The following C10orf67 variants were observed in gnomAD, a reference collection of about 807,000 sequenced individuals.
C10orf67 encodes the protein chromosome 10 open reading frame 67, also known as uncharacterized protein C10orf67, mitochondrial.
In C10orf67, 60 loss-of-function variants were observed where a neutral mutation model predicts 35.6. The ratio of observed to expected loss-of-function variants is 1.68; its 90% CI spans 1.37 to 2.09. The LOEUF (loss-of-function observed/expected upper bound fraction) is 2.09. Among genes scored for constraint, C10orf67 ranks in the 30% most tolerant of loss-of-function variants. The pLI is 0.00. For synonymous variants in C10orf67, 167 were observed against 115.8 expected (o/e 1.44, Z -2.84); for missense variants, 474 against 330.2 (o/e 1.44, Z -3.38).
chr10:23,280,815 A>G (rs569645109), intron 8 of C10orf67, among the ~76,000 whole-genome samples: 9 of 152,346 alleles, frequency 5.9e-5, no homozygotes, highest in African/African-American at 2.2e-4. Context: ...GCACAAATTC[A>G]CTGATTGAGT....
chr10:23,252,074 G>C (rs985392343), intron 10 of C10orf67, among the ~76,000 whole-genome samples: 1 of 151,982 alleles, frequency 6.6e-6, no homozygotes, highest in Admixed American at 6.6e-5. Context: ...CATTATATCT[G>C]TTTTGCTTTC....
chr10:23,314,994 C>T (rs1237974729), intron 4 of C10orf67, among the ~76,000 whole-genome samples: 1 of 152,168 alleles, frequency 6.6e-6, no homozygotes, highest in Non-Finnish European at 1.5e-5. Flanking sequence ...GTCATTTATA[C>T]TTGTCAATCT....
intron 15 of C10orf67, among the ~76,000 whole-genome samples, chr10:23,221,989 T>G (rs1236736236): frequency 6.6e-6 from 1 of 152,214 alleles, no homozygotes; most frequent in Non-Finnish European, 1.5e-5. Flanking sequence ...GTGAGCATTT[T>G]ATCTTATGCC....
intron 8 of C10orf67, among the ~76,000 whole-genome samples, chr10:23,270,630 C>T (rs1012286207): frequency 1.3e-5 from 2 of 152,206 alleles, no homozygotes; most frequent in African/African-American, 2.4e-5. Context: ...GACCCACTGG[C>T]TTGGAATTCC....
intron 15 of C10orf67, among the ~76,000 whole-genome samples, chr10:23,208,938 C>G (rs779743983): frequency 3.9e-4 from 59 of 152,140 alleles, no homozygotes; most frequent in Non-Finnish European, 7.2e-4. Context: ...GGTCTGGTTA[C>G]CCCTGTCACC....
intron 2 of C10orf67, among the ~76,000 whole-genome samples, chr10:23,324,804 T>C (rs1845117402): frequency 6.6e-6 from 1 of 152,246 alleles, no homozygotes; most frequent in African/African-American, 2.4e-5. Context: ...GACATTTGTC[T>C]AATGTGAAAC....
At chr10:23,235,589 A>G (rs1183741161) in intron 13 of C10orf67, among the ~76,000 whole-genome samples, 2 of 152,212 alleles carry the variant, frequency 1.3e-5, no homozygotes, top group Non-Finnish European at 2.9e-5. Flanking sequence ...ATTTGGTTGA[A>G]CAATTTGGAT....
At chr10:23,290,485 A>G (rs1843687998) in intron 6 of C10orf67, among the ~76,000 whole-genome samples, 1 of 152,248 alleles carries the variant, frequency 6.6e-6, no homozygotes, top group African/African-American at 2.4e-5. Context: ...TGTAATTAAC[A>G]TAATCACTCG....
intron 8 of C10orf67, among the ~76,000 whole-genome samples, chr10:23,271,786 CA>C (rs1843032048): frequency 6.6e-6 from 1 of 152,206 alleles, no homozygotes. Context: ...CGTATTATTA[CA>C]TTGTAAGAGT....
chr10:23,250,368 A>T (rs901594778), intron 12 of C10orf67, 87 bp downstream of exon 12: 1 of 396,848 alleles, frequency 2.5e-6, no homozygotes, highest in African/African-American at 2.1e-5. Context: ...TAACATTAGT[A>T]TGTAAAAAAA....
chr10:23,317,368 A>G (rs1290772292), intron 4 of C10orf67: 1 of 152,272 alleles, frequency 6.6e-6, no homozygotes, highest in Non-Finnish European at 1.5e-5. Context: ...CCCCAAGAGC[A>G]CAGGGATGCC....
At chr10:23,297,262 CTTTCCTTTCT>C (rs1277261280) in intron 5 of C10orf67, among the ~76,000 whole-genome samples, 25 of 135,418 alleles carry the variant, frequency 1.8e-4, no homozygotes, top group South Asian at 1.7e-3. Context: ...CTTTCCTTTC[CTTTCCTTTCT>C]GATGACCCCA....
At chr10:23,297,230 CCCTTTCCTTTCCTTTCCTTT>C (rs55638393) in intron 5 of C10orf67, among the ~76,000 whole-genome samples, 22 of 145,720 alleles carry the variant, frequency 1.5e-4, no homozygotes, top group Admixed American at 6.2e-4. Context: ...CTTTCTATTT[CCCTTTCCTTTCCTTTCCTTT>C]CCTTTCCTTT....
chr10:23,300,425 T>C (rs1358832645), intron 5 of C10orf67, among the ~76,000 whole-genome samples: 1 of 152,152 alleles, frequency 6.6e-6, no homozygotes, highest in Non-Finnish European at 1.5e-5. Flanking sequence ...CTGATCTCTA[T>C]TATAAAAAAC....
At chr10:23,329,103 G>A (rs1845326404) in intron 2 of C10orf67, among the ~76,000 whole-genome samples, 2 of 150,536 alleles carry the variant, frequency 1.3e-5, no homozygotes, top group Non-Finnish European at 3.0e-5. Context: ...TTATGAACTA[G>A]AAAATAAAGA....
chr10:23,223,322 G>C (rs763532368), intron 15 of C10orf67, among the ~76,000 whole-genome samples: 13 of 152,064 alleles, frequency 8.5e-5, no homozygotes, highest in Non-Finnish European at 1.8e-4. Flanking sequence ...GGTTTCAAGT[G>C]ATCCTCCCTC....
At position 23,223,571 on chromosome 10, in the gene C10orf67, C is replaced by T. The variant is rs779547030; in HGVS notation, c.1570+27G>A. On this transcript the variant is annotated intron_variant, in intron 15 of 15. Coordinates refer to ENST00000636213, the MANE Select transcript of C10orf67 (RefSeq NM_001371909.1). Reference sequence around the variant, plus strand: ...ACTAAGTAGCCATTCTGGTGTGAACCTCATTTCCAACAATAATGATTCTTA... The same window carrying T: ...ACTAAGTAGCCATTCTGGTGTGAACTTCATTTCCAACAATAATGATTCTTA... 4.9e-5 allele frequency: 35 copies of T among 716,964 alleles called. No individual in the cohort carries two copies. The East Asian group carries it at 8.0e-4, about 16-fold the overall frequency. 44.4% of individuals were successfully genotyped at this position (716,964 alleles called of 1,614,324 possible).
At chr10:23,215,029 T>C (rs1358861835) in intron 15 of C10orf67, among the ~76,000 whole-genome samples, 1 of 151,570 alleles carries the variant, frequency 6.6e-6, no homozygotes, top group Non-Finnish European at 1.5e-5. Flanking sequence ...TCTCAGAAAA[T>C]AGAAAACATC....
At chr10:23,271,080 T>C (rs1843004798) in intron 8 of C10orf67, among the ~76,000 whole-genome samples, 1 of 150,614 alleles carries the variant, frequency 6.6e-6, no homozygotes, top group African/African-American at 2.5e-5. Context: ...GAGGGAGAAA[T>C]TTACCAAGCA....
Sources: gnomAD v4.1 joint callset for allele counts (sites outside exome capture counted in the v4.1 genomes callset) on GRCh38, gnomAD v4.1.1 for gene constraint, MANE v1.5 for transcripts, NCBI Gene and HGNC (gene_info 2026-07-23, HGNC 2026-07-21) for gene names.